Variants in LMO1 observed in about 807,000 individuals in gnomAD.
LMO1 encodes LIM domain only 1, also known as rhombotin-1.
Under a neutral mutation model 18.0 loss-of-function variants are expected in LMO1, and 10 were observed. The ratio of observed to expected loss-of-function variants is 0.55; its 90% CI spans 0.34 to 0.94. The LOEUF (loss-of-function observed/expected upper bound fraction) is 0.94. LMO1 is among the 40% of genes least tolerant of loss of function. The pLI, the probability that LMO1 is intolerant of heterozygous loss-of-function variation, is 0.02. For synonymous variants in LMO1, 77 were observed against 77.9 expected, an observed-to-expected ratio of 0.99 and a Z score of 0.06; for missense variants, 183 against 205.7, an observed-to-expected ratio of 0.89 and a Z score of 0.68.
chr11:8,242,433 G>A (rs1052997682), intron 1 of LMO1, among the ~76,000 whole-genome samples: 3 of 152,146 alleles, frequency 2.0e-5, no homozygotes, highest in African/African-American at 7.2e-5. Context: ...TTACAAAAAT[G>A]ACTACTCTTC....
upstream of LMO1, among the ~76,000 whole-genome samples, chr11:8,268,134 G>A (rs1215379180): frequency 6.6e-6 from 1 of 152,264 alleles, no homozygotes; most frequent in African/African-American, 2.4e-5. Context: ...GCAAGAGTCC[G>A]TGAGAAAGTT....
At chr11:8,244,080 C>T (rs1438272485) in intron 1 of LMO1, among the ~76,000 whole-genome samples, 1 of 152,224 alleles carries the variant, frequency 6.6e-6, no homozygotes, top group Non-Finnish European at 1.5e-5. Flanking sequence ...GTGTGAACCA[C>T]CCTGTGGGTA....
At chr11:8,240,367 G>A (rs1249767597) in intron 1 of LMO1, among the ~76,000 whole-genome samples, 2 of 152,230 alleles carry the variant, frequency 1.3e-5, no homozygotes, top group African/African-American at 4.8e-5. Flanking sequence ...TAAAGGGACT[G>A]AGGAGTTTCC....
At chr11:8,268,293 T>G (rs1257817870), upstream of LMO1, 4 of 631,218 alleles carry the variant, frequency 6.3e-6, no homozygotes, top group Non-Finnish European at 9.3e-6. Context: ...AAGCCACCCA[T>G]CAGCCGGAGG....
intron 1 of LMO1, among the ~76,000 whole-genome samples, chr11:8,250,945 C>T (rs944889725): frequency 9.8e-5 from 15 of 152,328 alleles, no homozygotes; most frequent in Non-Finnish European, 2.1e-4. Flanking sequence ...CTAATTGAGA[C>T]TCTACCTGGA....
upstream of LMO1, chr11:8,268,375 GC>G: frequency 1.4e-6 from 2 of 1,444,958 alleles, no homozygotes; most frequent in South Asian, 1.3e-5. Context: ...CGCAGTCTCC[GC>G]CCCACGTCCC....
In LMO1 at chr11:8,230,291, C is replaced by T. The variant is rs766510770; in HGVS notation, c.239G>A (p.Arg80Lys). 6.2e-7 allele frequency: 1 copy of T among 1,613,330 alleles called. No homozygotes were observed. Among genetic ancestry groups the T allele is most frequent in the Non-Finnish European group, 8.5e-7 (1 of 1,179,816 alleles). The change falls in exon 2 of 4, where the codon AGG (arginine) becomes AAG (lysine). Residue 80 changes from arginine to lysine, a missense_variant and splice_region_variant. Transcript: ENST00000335790. Reference protein sequence around the residue: ...NLILCRRDYLRLFGTTGNCAA... With the variant: ...NLILCRRDYLKLFGTTGNCAA... ...GGGAGGCCAGGGTTTGGCAGCCCAC[C>T]TCAGGTAGTCGCGTCGGCACAGGAT... is the stretch of plus-strand genomic sequence containing the variant.
chr11:8,262,854 G>T (rs887855226), intron 1 of LMO1, among the ~76,000 whole-genome samples: 2 of 152,092 alleles, frequency 1.3e-5, no homozygotes, highest in African/African-American at 4.8e-5. Context: ...CCGCGCTCCC[G>T]CTTGCCCCGA....
intron 1 of LMO1, among the ~76,000 whole-genome samples, chr11:8,253,747 C>T (rs11041828): frequency 0.37 from 56,407 of 151,898 alleles, 12,361 homozygotes; most frequent in Middle Eastern, 0.55. Flanking sequence ...TATCAAGTCA[C>T]CGTGCCAACC....
intron 1 of LMO1, among the ~76,000 whole-genome samples, chr11:8,257,566 G>A (rs1423443743): frequency 6.6e-6 from 1 of 152,254 alleles, no homozygotes; most frequent in Non-Finnish European, 1.5e-5. Flanking sequence ...TCACGCCTCA[G>A]GGCTAGGGCA....
At chr11:8,232,377 C>T (rs987837930) in intron 1 of LMO1, among the ~76,000 whole-genome samples, 1 of 152,210 alleles carries the variant, frequency 6.6e-6, no homozygotes, top group Non-Finnish European at 1.5e-5. Context: ...AGCTGGGGAG[C>T]AGATACCCCT....
chr11:8,254,611 T>C (rs1847058274), intron 1 of LMO1, among the ~76,000 whole-genome samples: 1 of 63,686 alleles, frequency 1.6e-5, no homozygotes, highest in Non-Finnish European at 5.3e-5. Flanking sequence ...GACCTGATTA[T>C]GGTCCCTCCC....
chr11:8,256,904 A>G (rs1485421028), intron 1 of LMO1, among the ~76,000 whole-genome samples: 2 of 152,250 alleles, frequency 1.3e-5, no homozygotes, highest in African/African-American at 4.8e-5. Context: ...AGGTTGGGTC[A>G]GACTGGTTGT....
chr11:8,230,334 A>G lies in LMO1; in HGVS notation c.196T>C (p.Tyr66His). 1 of 1,614,018 alleles carries G rather than the reference A, an allele frequency of 6.2e-7. No homozygotes were observed. The change falls in exon 2 of 4, where the codon TAC becomes CAC. Residue 66 changes from tyrosine (Y) to histidine (H), a missense_variant. By Grantham distance (83) the Tyr-to-His change is moderately conservative (BLOSUM62 2). Transcript: ENST00000335790. ...CACAGGATGAGGTTGGCCTTGGTGT[A>G]GAGGGTGGAGCCCACCTCGCCCAGG... The part of the protein sequence containing the change: ...CRLGEVGSTL[Y>H]TKANLILCRR...
intron 2 of LMO1, among the ~76,000 whole-genome samples, chr11:8,227,355 AAGGCCCCCTCCC>A (rs1952567419): frequency 6.6e-6 from 1 of 152,176 alleles, no homozygotes; most frequent in Admixed American, 6.5e-5. Context: ...TGCCCATCCC[AAGGCCCCCTCCC>A]AGGCTCCCAC....
Position 8,246,427 on chromosome 11 carries a change from G to A in LMO1, c.26-15923C>T, listed in dbSNP as rs776664646. ...ACCTTGCAAACATTATGCCAAGAAAGAAGGCAGATACAATAACCACATATT... is the reference window on the plus strand; with the variant it reads ...ACCTTGCAAACATTATGCCAAGAAAAAAGGCAGATACAATAACCACATATT... On this transcript the variant is annotated intron_variant, in intron 1 of 3. Transcript: ENST00000335790. Among the ~76,000 whole-genome samples the A allele has an allele frequency of 1.7e-4, 26 of 152,204 alleles. 1 individual carries two copies. Among genetic ancestry groups the A allele is most frequent in the Non-Finnish European group, 1.5e-4 (10 of 68,032 alleles).
intron 1 of LMO1, among the ~76,000 whole-genome samples, chr11:8,236,308 A>T (rs987276732): frequency 2.0e-5 from 3 of 151,164 alleles, no homozygotes; most frequent in Non-Finnish European, 4.4e-5. Flanking sequence ...CTCCTACCTC[A>T]GCCTCCTGCA....
intron 1 of LMO1, among the ~76,000 whole-genome samples, chr11:8,250,991 G>A (rs371246666): frequency 1.3e-5 from 2 of 152,170 alleles, no homozygotes; most frequent in Non-Finnish European, 2.9e-5. Flanking sequence ...CTGGATTCGA[G>A]TGTGACAAGA....
intron 1 of LMO1, among the ~76,000 whole-genome samples, chr11:8,263,043 G>T (rs564792335): frequency 3.6e-4 from 54 of 152,112 alleles, no homozygotes; most frequent in Admixed American, 6.5e-4. Context: ...CCTCCGCGCG[G>T]CCCCGCGGCG....
Sources: gnomAD v4.1 joint callset for allele counts (sites outside exome capture counted in the v4.1 genomes callset) on GRCh38, gnomAD v4.1.1 for gene constraint, MANE v1.5 for transcripts, NCBI Gene and HGNC (gene_info 2026-07-23, HGNC 2026-07-21) for gene names.